The following MCTP1 variants were observed in gnomAD, a reference collection of about 807,000 sequenced individuals.
The protein encoded by MCTP1 is multiple C2 and transmembrane domain-containing protein 1.
Under a neutral mutation model 120.6 loss-of-function variants are expected in MCTP1, and 69 were observed. The observed-to-expected ratio is 0.57, with a 90% CI of 0.47 to 0.70. The LOEUF (loss-of-function observed/expected upper bound fraction) is 0.70, where lower values mean the gene tolerates loss of function less well. MCTP1 is among the 30% of genes least tolerant of loss of function. The pLI is 0.00. For synonymous variants in MCTP1, 529 were observed against 493.1 expected (o/e 1.07, Z -0.96); for missense variants, 1,203 against 1,248.8 (o/e 0.96, Z 0.55).
intron 19 of MCTP1, among the ~76,000 whole-genome samples, chr5:94,770,026 T>G (rs899409785): frequency 1.3e-5 from 2 of 152,228 alleles, no homozygotes; most frequent in African/African-American, 2.4e-5. Context: ...TCCTACTTTG[T>G]GAATTTCTTT....
At chr5:94,986,668 C>T (rs1049427071) in intron 2 of MCTP1, among the ~76,000 whole-genome samples, 1 of 152,068 alleles carries the variant, frequency 6.6e-6, no homozygotes, top group Non-Finnish European at 1.5e-5. Context: ...TGCCACCATG[C>T]CTGGCTAATT....
chr5:94,931,345 T>G (rs1046644871), intron 6 of MCTP1: 1 of 152,190 alleles, frequency 6.6e-6, no homozygotes, highest in Admixed American at 6.5e-5. Flanking sequence ...CATCTTGATA[T>G]CGATCTGTGT....
rs1475002288 is a variant in MCTP1 at position 94,870,493 on chromosome 5, T to C, written c.2242-2A>G. ...TAATGTTCGTAAGCTGGCTTTCACC[T>C]ATACATCAACATATGTGTCTGTTAT... On this transcript the variant is annotated splice_acceptor_variant, in intron 15 of 22. Coordinates refer to ENST00000515393, the MANE Select transcript of MCTP1 (RefSeq NM_024717.7). LOFTEE classifies it high-confidence loss of function. 12 of 1,591,810 alleles carry C rather than the reference T, an allele frequency of 7.5e-6. No individual in the cohort carries two copies. The highest frequency in any genetic ancestry group is 1.0e-5 in the Non-Finnish European group (12 of 1,159,718).
At chr5:95,215,898 C>A (rs1028660900) in intron 1 of MCTP1, among the ~76,000 whole-genome samples, 6 of 152,088 alleles carry the variant, frequency 3.9e-5, no homozygotes, top group African/African-American at 1.2e-4. Flanking sequence ...CCTCTACACA[C>A]TTTTAATACC....
chr5:95,093,080 A>G (rs529948363), intron 1 of MCTP1, among the ~76,000 whole-genome samples: 325 of 152,390 alleles, frequency 2.1e-3, no homozygotes, highest in African/African-American at 7.6e-3. Flanking sequence ...AATTTGGAGT[A>G]AAATAGATGG....
At chr5:95,202,004 T>C (rs1751114019) in intron 1 of MCTP1, among the ~76,000 whole-genome samples, 1 of 152,198 alleles carries the variant, frequency 6.6e-6, no homozygotes, top group African/African-American at 2.4e-5. Flanking sequence ...TCTACTTGAC[T>C]GGATTTAACA....
chr5:95,278,926 C>T (rs1054919172), intron 1 of MCTP1, among the ~76,000 whole-genome samples: 4 of 149,896 alleles, frequency 2.7e-5, no homozygotes, highest in Admixed American at 6.7e-5. Context: ...TGCACCATTG[C>T]ACTCCAGCCT....
intron 1 of MCTP1, among the ~76,000 whole-genome samples, chr5:95,248,431 A>G (rs911140637): frequency 4.6e-5 from 7 of 152,216 alleles, no homozygotes; most frequent in Non-Finnish European, 1.0e-4. Flanking sequence ...TACTACAAAG[A>G]GAATAAAATA....
chr5:94,957,886 T>G (rs1036429366), intron 2 of MCTP1, among the ~76,000 whole-genome samples: 1 of 152,122 alleles, frequency 6.6e-6, no homozygotes, highest in Non-Finnish European at 1.5e-5. Context: ...ACAAGGATAT[T>G]CAGGACTTGA....
chr5:94,949,572 G>A (rs1354763865), intron 3 of MCTP1, among the ~76,000 whole-genome samples: 1 of 151,748 alleles, frequency 6.6e-6, no homozygotes, highest in African/African-American at 2.4e-5. Flanking sequence ...AAAATAAAAT[G>A]TTTTTACTAG....
intron 1 of MCTP1, among the ~76,000 whole-genome samples, chr5:95,035,764 T>G (rs942631293): frequency 4.6e-5 from 7 of 152,084 alleles, no homozygotes; most frequent in Admixed American, 2.0e-4. Flanking sequence ...AGAAATAATG[T>G]AATTGAAAGT....
rs1329176437 is a variant in MCTP1, at chr5:95,229,775, G to A, written c.720+54081C>T. Among the ~76,000 whole-genome samples, 4 of 152,100 alleles carry A rather than the reference G, an allele frequency of 2.6e-5. No individual in the cohort carries two copies. The East Asian group carries it at 7.7e-4, about 29-fold the overall frequency. On this transcript the variant is annotated intron_variant, in intron 1 of 22. Transcript: ENST00000515393. ...AAAAAGATTGGTTACACAGTAAGAG[G>A]GAGATGACCACTGATGCTTAAGAGA...
chr5:94,978,066 G>A (rs138999579), intron 2 of MCTP1, among the ~76,000 whole-genome samples: 116 of 152,146 alleles, frequency 7.6e-4, no homozygotes, highest in African/African-American at 2.5e-3. Flanking sequence ...GGCTAAGTCT[G>A]GAATAGACAT....
chr5:95,280,321 T>C (rs1760211393), intron 1 of MCTP1, among the ~76,000 whole-genome samples: 1 of 152,232 alleles, frequency 6.6e-6, no homozygotes, highest in Non-Finnish European at 1.5e-5. Context: ...CAAAAATAGT[T>C]TATCCTTTGT....
intron 17 of MCTP1, among the ~76,000 whole-genome samples, chr5:94,804,838 G>A (rs960214246): frequency 1.3e-5 from 2 of 152,156 alleles, no homozygotes; most frequent in African/African-American, 2.4e-5. Context: ...TGTAGAAGAC[G>A]AGTGGTGTTC....
At chr5:95,213,684 G>A (rs1044150295) in intron 1 of MCTP1, among the ~76,000 whole-genome samples, 18 of 151,526 alleles carry the variant, frequency 1.2e-4, no homozygotes, top group South Asian at 4.2e-4. Context: ...CAATGGAACA[G>A]AACAGAGCCC....
intron 1 of MCTP1, among the ~76,000 whole-genome samples, chr5:95,073,762 T>G (rs749600495): frequency 8.5e-5 from 13 of 152,174 alleles, no homozygotes; most frequent in Non-Finnish European, 1.8e-4. Flanking sequence ...ACCCTCTCCT[T>G]GAAGCATTCT....
At chr5:94,951,809 T>C (rs576747252) in intron 3 of MCTP1, among the ~76,000 whole-genome samples, 84 of 152,204 alleles carry the variant, frequency 5.5e-4, no homozygotes, top group African/African-American at 2.0e-3. Context: ...GGGAGAAGGG[T>C]TGGCTACGCA....
intron 3 of MCTP1, among the ~76,000 whole-genome samples, chr5:94,946,677 GATTT>G (rs1420101005): frequency 1.3e-5 from 2 of 152,140 alleles, no homozygotes; most frequent in African/African-American, 4.8e-5. Flanking sequence ...AGACTTTCAG[GATTT>G]CTAATTCAAG....
Sources: allele counts gnomAD v4.1 joint callset (sites outside exome capture counted in the v4.1 genomes callset), GRCh38; gene constraint gnomAD v4.1.1; transcripts MANE v1.5; gene names NCBI Gene and HGNC (gene_info 2026-07-23, HGNC 2026-07-21).